ADGB: variants seen among roughly 807,000 people sequenced by gnomAD.
The protein encoded by ADGB is androglobin.
ADGB carries 172 observed loss-of-function variants against 210.5 expected under a neutral mutation model. The ratio of observed to expected loss-of-function variants is 0.82; its 90% CI spans 0.72 to 0.93. The LOEUF (loss-of-function observed/expected upper bound fraction) is 0.93. Ranked by LOEUF, ADGB falls within the 40% of genes least tolerant of loss-of-function variation. The pLI, the probability that ADGB is intolerant of heterozygous loss-of-function variation, is 0.00. For missense variants in ADGB, 2,025 were observed against 1,964.8 expected, an observed-to-expected ratio of 1.03 and a Z score of -0.58; for synonymous variants, 658 against 662.7, an observed-to-expected ratio of 0.99 and a Z score of 0.11.
At chr6:146,754,605 C>T (rs1053406265) in intron 27 of ADGB, among the ~76,000 whole-genome samples, 1 of 151,638 alleles carries the variant, frequency 6.6e-6, no homozygotes, top group Non-Finnish European at 1.5e-5. Flanking sequence ...TAGCCATGGG[C>T]TATGATTTAT....
At position 146,815,058 on chromosome 6, in the gene ADGB, A is replaced by C; in HGVS notation, c.4845A>C (p.Lys1615Asn). The C allele has an allele frequency of 5.2e-6, 8 of 1,544,924 alleles. No homozygotes were observed. Among genetic ancestry groups the C allele is most frequent in the Non-Finnish European group, 7.0e-6 (8 of 1,145,526 alleles). The change falls in exon 36 of 36, where the codon AAA becomes AAC. Residue 1615 changes from lysine to asparagine, a missense_variant. Lys to Asn is a moderately conservative substitution (Grantham distance 94). Coordinates refer to ENST00000397944, the MANE Select transcript of ADGB (RefSeq NM_024694.4). ...MQDSLDEARQKIFDIREEYRN... is the reference protein window; with the variant it reads ...MQDSLDEARQNIFDIREEYRN... ...ACTCCTTAGATGAAGCCCGACAGAA[A>C]ATTTTCGACATCCGGGAAGAGTACA... is the stretch of plus-strand genomic sequence containing the variant.
chr6:146,633,681 A>C (rs985189756), intron 1 of ADGB, among the ~76,000 whole-genome samples: 1 of 152,044 alleles, frequency 6.6e-6, no homozygotes, highest in Non-Finnish European at 1.5e-5. Flanking sequence ...GCCTTACTAT[A>C]GATATTTTCC....
chr6:146,682,905 G>A (rs1776177009), intron 9 of ADGB, among the ~76,000 whole-genome samples: 2 of 151,700 alleles, frequency 1.3e-5, no homozygotes, highest in African/African-American at 4.8e-5. Flanking sequence ...TGTAGTCTTG[G>A]TTGAATGTGT....
chr6:146,656,625 G>A, intron 4 of ADGB, 146 bp from the exon 5 acceptor site: 1 of 577,102 alleles, frequency 1.7e-6, no homozygotes, highest in African/African-American at 1.9e-5. Context: ...ACTTTATTCT[G>A]TAGATCAGAA....
chr6:146,647,078 G>C (rs148975771), intron 3 of ADGB, among the ~76,000 whole-genome samples: 2,871 of 137,356 alleles, frequency 0.021, 125 homozygotes, highest in African/African-American at 0.074. Context: ...GACAGAGTGA[G>C]AGCCTGTCTC....
At chr6:146,599,190 C>A in intron 1 of ADGB, 76 bp downstream of exon 1, 1 of 1,327,864 alleles carries the variant, frequency 7.5e-7, no homozygotes, top group Non-Finnish European at 1.1e-6. Flanking sequence ...GGCTGCCTCC[C>A]TGCAGCAAAC....
chr6:146,657,016 T>A (rs1775791874), intron 5 of ADGB, 36 bp downstream of exon 5: 6 of 1,490,112 alleles, frequency 4.0e-6, no homozygotes, highest in Middle Eastern at 3.4e-4. Context: ...AACTCATGAG[T>A]CTTTCATATT....
intron 1 of ADGB, among the ~76,000 whole-genome samples, chr6:146,610,860 C>T (rs1415676565): frequency 1.3e-5 from 2 of 152,124 alleles, no homozygotes; most frequent in Non-Finnish European, 1.5e-5. Flanking sequence ...TCCACATGCA[C>T]GTGCCCATGC....
chr6:146,617,622 C>T (rs534963942), intron 1 of ADGB, among the ~76,000 whole-genome samples: 9 of 151,760 alleles, frequency 5.9e-5, no homozygotes, highest in East Asian at 5.8e-4. Context: ...TCCTTCTATG[C>T]GCAATTTATG....
intron 12 of ADGB, among the ~76,000 whole-genome samples, chr6:146,699,252 G>A (rs1776453607): frequency 6.6e-6 from 1 of 152,152 alleles, no homozygotes; most frequent in Non-Finnish European, 1.5e-5. Context: ...AACCAGGGAG[G>A]TCAGTAGCAC....
At chr6:146,716,294 C>T (rs545897477) in intron 14 of ADGB, among the ~76,000 whole-genome samples, 2 of 151,970 alleles carry the variant, frequency 1.3e-5, no homozygotes, top group South Asian at 4.1e-4. Context: ...TTCACAATCT[C>T]TAAAGAATCT....
At chr6:146,602,693 C>A (rs1436110060) in intron 1 of ADGB, among the ~76,000 whole-genome samples, 1 of 152,188 alleles carries the variant, frequency 6.6e-6, no homozygotes, top group African/African-American at 2.4e-5. Flanking sequence ...GGACCAGTAC[C>A]AGTCCATGGC....
intron 8 of ADGB, 135 bp from the exon 9 acceptor site, chr6:146,676,178 G>A (rs1776080322): frequency 2.6e-6 from 2 of 769,402 alleles, no homozygotes; most frequent in East Asian, 6.0e-5. Flanking sequence ...ATCATGTTTT[G>A]GAGAAATTAT....
At chr6:146,650,239 T>C (rs902564800) in intron 3 of ADGB, among the ~76,000 whole-genome samples, 4 of 152,164 alleles carry the variant, frequency 2.6e-5, no homozygotes. Context: ...GTTTCCAATG[T>C]TTACATTTTA....
intron 4 of ADGB, among the ~76,000 whole-genome samples, chr6:146,656,318 T>A (rs953884002): frequency 6.6e-6 from 1 of 152,256 alleles, no homozygotes; most frequent in African/African-American, 2.4e-5. Flanking sequence ...CCCATTTTAA[T>A]TCTTTCACAT....
chr6:146,810,718 A>G (rs577663844), intron 35 of ADGB, among the ~76,000 whole-genome samples: 2 of 152,288 alleles, frequency 1.3e-5, no homozygotes, highest in South Asian at 2.1e-4. Context: ...AAAATAATGC[A>G]TAATCTCACT....
At chr6:146,653,549 C>A (rs1008608187) in intron 3 of ADGB, among the ~76,000 whole-genome samples, 1 of 151,952 alleles carries the variant, frequency 6.6e-6, no homozygotes, top group Non-Finnish European at 1.5e-5. Context: ...GAGAATACAT[C>A]GACACATAGA....
rs3747756 is a variant in ADGB at position 146,728,732 on chromosome 6, G to A, written c.2511G>A (p.Gln837=). 0.19 allele frequency: 293,351 copies of A among 1,546,072 alleles called. 30,393 individuals are homozygous for A. Among genetic ancestry groups the A allele is most frequent in the East Asian group, 0.41 (16,765 of 40,822 alleles). Residue 837 remains glutamine (Q), a synonymous_variant, in exon 20 of 36, where the codon CAG becomes CAA. Transcript: ENST00000397944. ...TCCATGATAAAGAACTAACTGCACA[G>A]CACTTCAGGGTAAGCTTGTTTGGGA... ...VPFHDKELTA[Q]HFRVFHLSLW...
At chr6:146,622,441 C>G (rs1379854402) in intron 1 of ADGB, among the ~76,000 whole-genome samples, 1 of 152,134 alleles carries the variant, frequency 6.6e-6, no homozygotes, top group Non-Finnish European at 1.5e-5. Context: ...TTAAGGTCAA[C>G]TATCCCATAT....
Sources: gnomAD v4.1 joint callset for allele counts (sites outside exome capture counted in the v4.1 genomes callset) on GRCh38, gnomAD v4.1.1 for gene constraint, MANE v1.5 for transcripts, NCBI Gene and HGNC (gene_info 2026-07-23, HGNC 2026-07-21) for gene names.